Variants in UBE3D observed in about 807,000 individuals in gnomAD.
UBE3D encodes ubiquitin protein ligase E3D, also known as E3 ubiquitin-protein ligase E3D.
In UBE3D, 48 loss-of-function variants were observed where a neutral mutation model predicts 49.6. The observed-to-expected ratio is 0.97, with a 90% confidence interval of 0.77 to 1.23. The LOEUF is 1.23. UBE3D is among the 50% of genes most tolerant of loss of function. The probability of loss-of-function intolerance (pLI) is 0.00; values close to 1 mark genes in which losing one functional copy is unlikely to be tolerated. For synonymous variants in UBE3D, 189 were observed against 174.2 expected (o/e 1.08, Z -0.67); for missense variants, 452 against 468.4 (o/e 0.96, Z 0.32).
chr6:83,057,885 T>C lies in UBE3D; in HGVS notation c.215A>G (p.Gln72Arg), dbSNP rs1180786470. 1 of 1,614,158 alleles carries C rather than the reference T, an allele frequency of 6.2e-7. No individual in the cohort carries two copies. The highest frequency in any genetic ancestry group is 2.2e-5 in the East Asian group (1 of 44,874). Residue 72 changes from glutamine (Q) to arginine (R), a missense_variant, in exon 2 of 10, where the codon CAG becomes CGG. By Grantham distance (43) the Gln-to-Arg change is conservative. Coordinates refer to ENST00000369747, the MANE Select transcript of UBE3D (RefSeq NM_198920.3). ...GTGCAGTCCATCTCCAACAACAAAC[T>C]GTAGCCCACGGCAAGAGGAAGGTAC... ...RLVPSSCRGL[Q>R]FVVGDGLHLR...
chr6:83,009,729 C>G (rs563118787), intron 8 of UBE3D, among the ~76,000 whole-genome samples: 27 of 139,730 alleles, frequency 1.9e-4, no homozygotes, highest in Admixed American at 5.6e-4. Flanking sequence ...AAAGAAAATC[C>G]TAAAGGTTTT....
At chr6:82,894,640 A>G (rs769392853) in intron 9 of UBE3D, among the ~76,000 whole-genome samples, 81 of 152,186 alleles carry the variant, frequency 5.3e-4, no homozygotes, top group Non-Finnish European at 1.1e-3. Context: ...AATGATTAGG[A>G]AAATCCATGT....
At chr6:82,989,275 G>A (rs1778723444) in intron 8 of UBE3D, among the ~76,000 whole-genome samples, 1 of 152,000 alleles carries the variant, frequency 6.6e-6, no homozygotes, top group South Asian at 2.1e-4. Context: ...CCAGGAGGCT[G>A]TCCAGATAGC....
intron 5 of UBE3D, 82 bp from the exon 6 acceptor site, chr6:83,024,120 T>G: frequency 3.0e-6 from 2 of 668,834 alleles, no homozygotes; most frequent in Non-Finnish European, 4.9e-6. Flanking sequence ...AATTAGGATA[T>G]TCCAAACTAA....
intron 8 of UBE3D, among the ~76,000 whole-genome samples, chr6:82,967,384 T>A (rs973484989): frequency 1.3e-5 from 2 of 152,058 alleles, no homozygotes; most frequent in Non-Finnish European, 2.9e-5. Flanking sequence ...TGTGACCACA[T>A]TAACACTGAA....
chr6:82,880,978 A>G, the UBE3D span, among the ~76,000 whole-genome samples: 1 of 152,112 alleles, frequency 6.6e-6, no homozygotes, highest in East Asian at 1.9e-4. Flanking sequence ...TTCTTTTATA[A>G]GGTCTCTTAT....
chr6:83,004,333 G>A (rs1386772776), intron 8 of UBE3D, among the ~76,000 whole-genome samples: 2 of 152,256 alleles, frequency 1.3e-5, no homozygotes, highest in East Asian at 1.9e-4. Flanking sequence ...GAGACTACAC[G>A]ATACAATGAA....
intron 5 of UBE3D, among the ~76,000 whole-genome samples, chr6:83,034,952 C>T (rs1284477639): frequency 1.3e-5 from 2 of 152,006 alleles, no homozygotes; most frequent in Non-Finnish European, 2.9e-5. Context: ...AAGGCTGAGG[C>T]AGGAGGATCA....
At chr6:83,006,831 A>C (rs900078027) in intron 8 of UBE3D, among the ~76,000 whole-genome samples, 1 of 152,138 alleles carries the variant, frequency 6.6e-6, no homozygotes, top group African/African-American at 2.4e-5. Flanking sequence ...TGTTTTGGAG[A>C]TCTGTTTCAC....
At chr6:82,984,993 TTTC>T (rs1454620406) in intron 8 of UBE3D, among the ~76,000 whole-genome samples, 42 of 138,878 alleles carry the variant, frequency 3.0e-4, no homozygotes, top group African/African-American at 1.0e-3. Flanking sequence ...AATTTTTTTC[TTTC>T]TTCTTCTTCT....
At chr6:83,058,745 T>C (rs1783977360) in intron 1 of UBE3D, among the ~76,000 whole-genome samples, 1 of 152,218 alleles carries the variant, frequency 6.6e-6, no homozygotes, top group African/African-American at 2.4e-5. Context: ...GGGTAGACCA[T>C]GTGCTCAGGT....
intron 3 of UBE3D, among the ~76,000 whole-genome samples, chr6:83,051,915 G>A (rs1783495053): frequency 6.6e-6 from 1 of 152,168 alleles, no homozygotes; most frequent in African/African-American, 2.4e-5. Flanking sequence ...AAGCAAGAGA[G>A]GTTGGTAGAA....
the UBE3D span, among the ~76,000 whole-genome samples, chr6:82,882,784 CT>C: frequency 1.6e-4 from 24 of 151,224 alleles, no homozygotes; most frequent in African/African-American, 4.1e-4. Flanking sequence ...TGAAAATAAC[CT>C]TTTTTTTTAC....
intron 9 of UBE3D, among the ~76,000 whole-genome samples, chr6:82,926,722 T>C (rs74919715): frequency 2.7e-3 from 410 of 152,276 alleles, no homozygotes; most frequent in Non-Finnish European, 3.8e-3. Flanking sequence ...ATTTGCTCCC[T>C]GTATATCTTC....
chr6:83,007,687 G>A (rs1780070474), intron 8 of UBE3D, among the ~76,000 whole-genome samples: 1 of 152,188 alleles, frequency 6.6e-6, no homozygotes, highest in Non-Finnish European at 1.5e-5. Context: ...GCTCATGCCT[G>A]TAATCCCAAC....
chr6:82,995,442 G>A (rs1010959805), intron 8 of UBE3D, among the ~76,000 whole-genome samples: 1 of 149,960 alleles, frequency 6.7e-6, no homozygotes, highest in Admixed American at 6.7e-5. Context: ...GTTATAGGGT[G>A]AAAAAAAGAC....
chr6:83,050,450 G>A (rs1291699380), intron 3 of UBE3D, among the ~76,000 whole-genome samples: 2 of 152,132 alleles, frequency 1.3e-5, no homozygotes, highest in Non-Finnish European at 2.9e-5. Context: ...CATGTTCCCA[G>A]ATAATAAGAC....
At chr6:83,053,097 C>T (rs921791601) in intron 3 of UBE3D, among the ~76,000 whole-genome samples, 3 of 144,088 alleles carry the variant, frequency 2.1e-5, no homozygotes, top group South Asian at 4.5e-4. Context: ...AACACAAATA[C>T]GTAAACTTTC....
chr6:83,050,122 T>C (rs1274673060), intron 3 of UBE3D, among the ~76,000 whole-genome samples: 3 of 152,070 alleles, frequency 2.0e-5, no homozygotes, highest in African/African-American at 4.8e-5. Flanking sequence ...AGAAAAAACA[T>C]TGCTATAATT....
Sources: gnomAD v4.1 joint callset for allele counts (sites outside exome capture counted in the v4.1 genomes callset) on GRCh38, gnomAD v4.1.1 for gene constraint, MANE v1.5 for transcripts, NCBI Gene and HGNC (gene_info 2026-07-23, HGNC 2026-07-21) for gene names.